Variants in ANKRD12 observed in about 807,000 individuals in gnomAD.
The protein encoded by ANKRD12 is ankyrin repeat domain 12.
In ANKRD12, 85 loss-of-function variants were observed where a neutral mutation model predicts 183.4. The observed-to-expected ratio is 0.46, with a 90% CI of 0.39 to 0.56. ANKRD12 has a LOEUF of 0.56. Ranked by LOEUF, ANKRD12 falls within the 20% of genes least tolerant of loss-of-function variation. ANKRD12 has a pLI of 0.00. For missense variants in ANKRD12, 2,405 were observed against 2,357.1 expected, an observed-to-expected ratio of 1.02 and a Z score of -0.42; for synonymous variants, 914 against 800.2, an observed-to-expected ratio of 1.14 and a Z score of -2.40.
At chr18:9,162,189 C>T (rs746301635) in intron 1 of ANKRD12, among the ~76,000 whole-genome samples, 1 of 150,844 alleles carries the variant, frequency 6.6e-6, no homozygotes, top group African/African-American at 2.4e-5. Flanking sequence ...TGCTATCCCT[C>T]CCCCAACCCC....
At chr18:9,157,550 G>GGTGTGTATGTGTGTGTGTGTATGTGT (rs1555707774) in intron 1 of ANKRD12, among the ~76,000 whole-genome samples, 1 of 114,598 alleles carries the variant, frequency 8.7e-6, no homozygotes, top group Non-Finnish European at 1.7e-5. Flanking sequence ...GGTGTGTGTG[G>GGTGTGTATGTGTGTGTGTGTATGTGT]GTGTGTGTGT....
At chr18:9,200,268 A>G (rs529696721) in intron 3 of ANKRD12, among the ~76,000 whole-genome samples, 6 of 152,346 alleles carry the variant, frequency 3.9e-5, no homozygotes, top group Admixed American at 3.9e-4. Context: ...GGGTCCTTGT[A>G]GCTCTATCGT....
At chr18:9,163,771 A>G (rs1290684820) in intron 1 of ANKRD12, among the ~76,000 whole-genome samples, 1 of 151,792 alleles carries the variant, frequency 6.6e-6, no homozygotes, top group Admixed American at 6.6e-5. Flanking sequence ...ATTCCTAGGT[A>G]TTTTATTCTC....
At chr18:9,168,112 C>T (rs993003791) in intron 1 of ANKRD12, among the ~76,000 whole-genome samples, 13 of 152,162 alleles carry the variant, frequency 8.5e-5, no homozygotes, top group Non-Finnish European at 1.5e-4. Context: ...CTGCTGGATT[C>T]GGTTTGCCAG....
intron 1 of ANKRD12, among the ~76,000 whole-genome samples, chr18:9,141,778 C>T (rs1047489531): frequency 2.0e-5 from 3 of 152,112 alleles, no homozygotes; most frequent in East Asian, 3.8e-4. Context: ...CAGGCCATAA[C>T]TGGGAAAAAA....
At chr18:9,279,130 T>C (rs77418983) in intron 11 of ANKRD12, among the ~76,000 whole-genome samples, 3,326 of 152,244 alleles carry the variant, frequency 0.022, 71 homozygotes, top group Admixed American at 0.041. Flanking sequence ...ACCGCAGATA[T>C]TGGTCCTGGA....
At chr18:9,192,918 A>C (rs1000332911) in intron 2 of ANKRD12, among the ~76,000 whole-genome samples, 6 of 151,906 alleles carry the variant, frequency 3.9e-5, no homozygotes, top group Non-Finnish European at 8.8e-5. Flanking sequence ...TCCTGTCCTC[A>C]AGTGATCCAT....
intron 1 of ANKRD12, among the ~76,000 whole-genome samples, chr18:9,171,109 G>C (rs551676703): frequency 1.3e-5 from 2 of 152,150 alleles, no homozygotes; most frequent in Non-Finnish European, 2.9e-5. Flanking sequence ...GTGTCAGTCC[G>C]CCCCTACTGG....
intron 8 of ANKRD12, among the ~76,000 whole-genome samples, chr18:9,250,942 A>G (rs887860466): frequency 1.3e-5 from 2 of 152,186 alleles, no homozygotes; most frequent in African/African-American, 4.8e-5. Context: ...AGGTAGTTGT[A>G]AGGAGTCCAG....
rs2040196514 is a variant in ANKRD12 at position 9,285,228 on chromosome 18, GA to G, written c.*4106del. The G allele has an allele frequency of 7.2e-6, 1 of 139,016 alleles. No homozygotes were observed. The highest frequency in any genetic ancestry group is 2.6e-5 in the African/African-American group (1 of 38,004). The allele number at this position is 139,016 out of a possible 1,614,324, so 8.6% of individuals were successfully genotyped here. ...CGTCTCAAAAAAAAAAAAAAAGAAA[GA>G]AAAGAAAATAGGCCAATATGGTGAA... On this transcript the variant is annotated 3_prime_UTR_variant, in exon 13 of 13. Transcript: ENST00000262126.
At chr18:9,234,301 A>T (rs1331087887) in intron 8 of ANKRD12, among the ~76,000 whole-genome samples, 1 of 152,232 alleles carries the variant, frequency 6.6e-6, no homozygotes, top group East Asian at 1.9e-4. Context: ...CCCACTCTAC[A>T]TGTGAGCCCA....
At chr18:9,239,067 A>G (rs898065459) in intron 8 of ANKRD12, among the ~76,000 whole-genome samples, 9 of 152,214 alleles carry the variant, frequency 5.9e-5, no homozygotes, top group African/African-American at 1.9e-4. Flanking sequence ...CGAGGCTGCC[A>G]TGAGCTGTGT....
intron 3 of ANKRD12, among the ~76,000 whole-genome samples, chr18:9,197,372 A>G (rs1598524136): frequency 1.3e-5 from 2 of 152,236 alleles, no homozygotes; most frequent in African/African-American, 2.4e-5. Flanking sequence ...TGAAAAGTTA[A>G]CATGTTGTCA....
chr18:9,151,970 CT>C (rs1406954999), intron 1 of ANKRD12, among the ~76,000 whole-genome samples: 1 of 152,140 alleles, frequency 6.6e-6, no homozygotes, highest in Non-Finnish European at 1.5e-5. Context: ...CATCCCAGCA[CT>C]TTTGAGAGGC....
At chr18:9,243,598 AAG>A (rs2037782542) in intron 8 of ANKRD12, among the ~76,000 whole-genome samples, 1 of 152,142 alleles carries the variant, frequency 6.6e-6, no homozygotes, top group Admixed American at 6.5e-5. Flanking sequence ...GCTGCAGTGA[AAG>A]AGGGTAATCA....
intron 1 of ANKRD12, among the ~76,000 whole-genome samples, chr18:9,176,235 A>G (rs529536756): frequency 1.3e-5 from 2 of 152,302 alleles, no homozygotes; most frequent in East Asian, 1.9e-4. Context: ...AGTTTTGGTT[A>G]TAATTTTGAA....
intron 2 of ANKRD12, among the ~76,000 whole-genome samples, chr18:9,185,248 CAGTG>C (rs2033968285): frequency 6.6e-6 from 1 of 152,110 alleles, no homozygotes; most frequent in Non-Finnish European, 1.5e-5. Flanking sequence ...ATTCTGTAGT[CAGTG>C]AGTCAGGAGG....
intron 2 of ANKRD12, among the ~76,000 whole-genome samples, chr18:9,189,074 T>C (rs1480153637): frequency 6.6e-6 from 1 of 151,960 alleles, no homozygotes; most frequent in Non-Finnish European, 1.5e-5. Flanking sequence ...AAGAGAGGAA[T>C]GCCAAGGAAA....
chr18:9,280,860 TA>T, intron 12 of ANKRD12, 80 bp from the exon 13 acceptor site: 1 of 1,383,924 alleles, frequency 7.2e-7, no homozygotes, highest in Non-Finnish European at 1.0e-6. Flanking sequence ...TTTTAGTTCC[TA>T]AAGAAACTGG....
Sources: gnomAD v4.1 joint callset for allele counts (sites outside exome capture counted in the v4.1 genomes callset) on GRCh38, gnomAD v4.1.1 for gene constraint, MANE v1.5 for transcripts, NCBI Gene and HGNC (gene_info 2026-07-23, HGNC 2026-07-21) for gene names.